The following EXPH5 variants were observed in gnomAD, a reference collection of about 807,000 sequenced individuals.
The protein encoded by EXPH5 is exophilin 5, also known as exophilin-5.
A neutral mutation model predicts 41.1 loss-of-function variants in EXPH5; 42 were observed. The ratio of observed to expected loss-of-function variants is 1.02; its 90% confidence interval spans 0.80 to 1.32. EXPH5 has a LOEUF of 1.32. Ranked by LOEUF, EXPH5 falls within the 40% of genes most tolerant of loss-of-function variation. The probability of loss-of-function intolerance (pLI) is 0.00; values close to 1 mark genes in which losing one functional copy is unlikely to be tolerated. For missense variants in EXPH5, 2,298 were observed against 2,314.5 expected (o/e 0.99, Z 0.15); for synonymous variants, 798 against 833.5 (o/e 0.96, Z 0.73).
At chr11:108,569,842 C>CCTAT (rs1555198561) in intron 1 of EXPH5, among the ~76,000 whole-genome samples, 1 of 151,754 alleles carries the variant, frequency 6.6e-6, no homozygotes, top group Non-Finnish European at 1.5e-5. Flanking sequence ...CACGGAGGTG[C>CCTAT]CTAGACCTCT....
At chr11:108,515,725 G>C (rs1565783772) in intron 5 of EXPH5, among the ~76,000 whole-genome samples, 1 of 152,138 alleles carries the variant, frequency 6.6e-6, no homozygotes. Flanking sequence ...CAGACAGTCT[G>C]TTTCCTGAAT....
intron 4 of EXPH5, among the ~76,000 whole-genome samples, chr11:108,521,003 A>G (rs1361057165): frequency 2.0e-5 from 3 of 152,088 alleles, no homozygotes; most frequent in Non-Finnish European, 4.4e-5. Flanking sequence ...CTTGTGCCAA[A>G]ACTCCATTTG....
At chr11:108,524,600 G>A (rs1210007985) in intron 4 of EXPH5, among the ~76,000 whole-genome samples, 1 of 152,174 alleles carries the variant, frequency 6.6e-6, no homozygotes, top group Non-Finnish European at 1.5e-5. Context: ...CTGTGATTCT[G>A]ACCTGACTAG....
Position 108,527,374 on chromosome 11 carries a change from T to G in EXPH5, c.492+762A>C, listed in dbSNP as rs114862824. ...TCCTCCTCACCAGAATTTTACCTCA[T>G]GCTTTTTGCAAAGAGAGAGGGAGGG... On this transcript the variant is annotated intron_variant, in intron 4 of 5. Transcript: ENST00000265843. Among the ~76,000 whole-genome samples the G allele has an allele frequency of 5.4e-3, 828 of 152,046 alleles. 6 individuals are homozygous for G. The highest frequency in any genetic ancestry group is 0.019 in the African/African-American group (790 of 41,470).
chr11:108,562,359 G>A (rs981068375), intron 1 of EXPH5, among the ~76,000 whole-genome samples: 1 of 149,930 alleles, frequency 6.7e-6, no homozygotes, highest in African/African-American at 2.5e-5. Flanking sequence ...TTGGGAGGTC[G>A]AGGTGGTGGA....
chr11:108,570,091 G>C (rs1306051872), intron 1 of EXPH5, among the ~76,000 whole-genome samples: 1 of 152,160 alleles, frequency 6.6e-6, no homozygotes, highest in Non-Finnish European at 1.5e-5. Context: ...AGTAACTAGG[G>C]CCTGGCCTGC....
At chr11:108,558,988 G>A (rs369412060) in intron 1 of EXPH5, among the ~76,000 whole-genome samples, 1 of 152,334 alleles carries the variant, frequency 6.6e-6, no homozygotes. Flanking sequence ...AAAGAATTAA[G>A]CTTGTACCTA....
Position 108,509,408 on chromosome 11 carries a change from G to T in EXPH5, c.*129C>A. On this transcript the variant is annotated 3_prime_UTR_variant, in exon 6 of 6. Coordinates refer to ENST00000265843, the MANE Select transcript of EXPH5 (RefSeq NM_015065.3). ...ATAGGGTGTGGAGGAAAAAAAAGGA[G>T]ATGTGGGACATTTCAGAGCAGACAC... The T allele has an allele frequency of 2.5e-6, 2 of 800,994 alleles. No individual in the cohort carries two copies. The highest frequency in any genetic ancestry group is 2.4e-5 in the South Asian group (1 of 41,796). 49.6% of individuals were successfully genotyped at this position (800,994 alleles called of 1,614,324 possible).
Position 108,512,638 on chromosome 11 carries a change from C to T in EXPH5, c.2869G>A (p.Val957Ile). ...DSPVPTHDEV[V>I]DVKCHSHSPF... ...GAGTGTGAATGGCATTTGACATCAACCACTTCATCATGTGTAGGCACAGGA... is the reference window on the plus strand; with the variant it reads ...GAGTGTGAATGGCATTTGACATCAATCACTTCATCATGTGTAGGCACAGGA... Residue 957 changes from valine to isoleucine, a missense_variant, in exon 6 of 6, where the codon GTT becomes ATT. By Grantham distance (29) the Val-to-Ile change is conservative. Transcript: ENST00000265843. The T allele has an allele frequency of 6.2e-7, 1 of 1,614,044 alleles. No individual in the cohort carries two copies.
In EXPH5 at chr11:108,512,618, T is replaced by C; in HGVS notation, c.2889A>G (p.Ser963=). The change falls in exon 6 of 6, where the codon TCA becomes TCG. Residue 963 remains serine, a synonymous_variant. Coordinates refer to ENST00000265843, the MANE Select transcript of EXPH5 (RefSeq NM_015065.3). ...HDEVVDVKCH[S]HSPFRNERGK... ...CTCTTTCATTCCTAAAAGGAGAGTG[T>C]GAATGGCATTTGACATCAACCACTT... The C allele has an allele frequency of 6.2e-7, 1 of 1,613,726 alleles. No individual in the cohort carries two copies. Among genetic ancestry groups the C allele is most frequent in the Admixed American group, 1.7e-5 (1 of 59,960 alleles).
At chr11:108,588,399 T>C (rs1177445237) in intron 1 of EXPH5, among the ~76,000 whole-genome samples, 1 of 152,218 alleles carries the variant, frequency 6.6e-6, no homozygotes, top group Non-Finnish European at 1.5e-5. Flanking sequence ...GGTTCTGTTA[T>C]GAGCTAGATG....
At chr11:108,558,002 G>A (rs867740477) in intron 1 of EXPH5, among the ~76,000 whole-genome samples, 1 of 152,204 alleles carries the variant, frequency 6.6e-6, no homozygotes, top group African/African-American at 2.4e-5. Flanking sequence ...GGGTGCAGTG[G>A]CATAATCTCA....
At position 108,512,513 on chromosome 11, in the gene EXPH5, A is replaced by G. The variant is rs777480015; in HGVS notation, c.2994T>C (p.Asp998=). ...KTESISVPTS[D]HRSLIEANQS... ...GATTTGCTTCAATGAGGCTCCTGTG[A>G]TCACTGGTGGGTACTGATATACTTT... The change falls in exon 6 of 6, where the codon GAT becomes GAC. Residue 998 remains aspartate (D), a synonymous_variant. Transcript: ENST00000265843. 4.3e-6 allele frequency: 7 copies of G among 1,614,022 alleles called. No individual in the cohort carries two copies. The highest frequency in any genetic ancestry group is 5.1e-6 in the Non-Finnish European group (6 of 1,179,978).
At chr11:108,588,582 A>C (rs2094119945) in intron 1 of EXPH5, among the ~76,000 whole-genome samples, 1 of 152,168 alleles carries the variant, frequency 6.6e-6, no homozygotes, top group African/African-American at 2.4e-5. Context: ...ATATCCCTTA[A>C]CTCATCAGGT....
intron 1 of EXPH5, among the ~76,000 whole-genome samples, chr11:108,590,980 T>A (rs1032155562): frequency 1.3e-5 from 2 of 152,222 alleles, no homozygotes; most frequent in Non-Finnish European, 2.9e-5. Flanking sequence ...GTATTTCTTC[T>A]TAGTTGTCTT....
rs80097284 is a variant in EXPH5 at position 108,539,708 on chromosome 11, T to C, written c.281-522A>G. Among the ~76,000 whole-genome samples the C allele has an allele frequency of 1.3e-3, 201 of 152,298 alleles. 2 individuals carry two copies. The highest frequency in any genetic ancestry group is 0.013 in the East Asian group (68 of 5,184). On this transcript the variant is annotated intron_variant, in intron 2 of 5. Coordinates refer to ENST00000265843, the MANE Select transcript of EXPH5 (RefSeq NM_015065.3). ...TACATATGTGTTTGCATGTAACATATACAGGGTGAGCATCCTAAACCCGAA... is the reference window on the plus strand; with the variant it reads ...TACATATGTGTTTGCATGTAACATACACAGGGTGAGCATCCTAAACCCGAA...
chr11:108,528,190 G>C lies in EXPH5; in HGVS notation c.444-6C>G. 6.2e-7 allele frequency: 1 copy of C among 1,603,260 alleles called. No individual in the cohort carries two copies. Among genetic ancestry groups the C allele is most frequent in the Middle Eastern group, 1.7e-4 (1 of 6,036 alleles). ...GTCCTGCATGGCCATCACATCTGTG[G>C]AAATAATTTGAAATGATTTCTTTGA... On this transcript the variant is annotated splice_region_variant and splice_polypyrimidine_tract_variant and intron_variant, in intron 3 of 5. Coordinates refer to ENST00000265843, the MANE Select transcript of EXPH5 (RefSeq NM_015065.3).
chr11:108,539,182 C>T lies in EXPH5; in HGVS notation c.285G>A (p.Pro95=), dbSNP rs542165978. ...RLSKEMAKND[P]IELPTSRSKN... is the part of the protein sequence containing the mutation. Reference sequence around the variant, plus strand: ...TAGATCTTGATGTAGGTAATTCTATCGGATCTAGAAAAAAAAATTGTAAAA... The same window carrying T: ...TAGATCTTGATGTAGGTAATTCTATTGGATCTAGAAAAAAAAATTGTAAAA... Residue 95 remains proline (P), a synonymous_variant, in exon 3 of 6, where the codon CCG becomes CCA. Coordinates refer to ENST00000265843, the MANE Select transcript of EXPH5 (RefSeq NM_015065.3). 33 of 1,562,218 alleles carry T rather than the reference C, an allele frequency of 2.1e-5. No homozygotes were observed. The Admixed American group carries it at 3.5e-4, about 17-fold the overall frequency.
chr11:108,509,429 G>T lies in EXPH5; in HGVS notation c.*108C>A. ...AGGAGATGTGGGACATTTCAGAGCAGACACTGCCCAGACTAGATCTTTTAT... is the reference window on the plus strand; with the variant it reads ...AGGAGATGTGGGACATTTCAGAGCATACACTGCCCAGACTAGATCTTTTAT... On this transcript the variant is annotated 3_prime_UTR_variant, in exon 6 of 6. Transcript: ENST00000265843. 9.4e-7 allele frequency: 1 copy of T among 1,063,198 alleles called. No individual in the cohort carries two copies. The highest frequency in any genetic ancestry group is 1.3e-6 in the Non-Finnish European group (1 of 753,574). 65.9% of individuals were successfully genotyped at this position (1,063,198 alleles called of 1,614,324 possible).
Sources: allele counts gnomAD v4.1 joint callset (sites outside exome capture counted in the v4.1 genomes callset), GRCh38; gene constraint gnomAD v4.1.1; transcripts MANE v1.5; gene names NCBI Gene and HGNC (gene_info 2026-07-23, HGNC 2026-07-21).